The following OPHN1 variants were observed in gnomAD, a reference collection of about 807,000 sequenced individuals.
OPHN1 encodes oligophrenin 1, also known as oligophrenin-1.
Under a neutral mutation model 60.7 loss-of-function variants are expected in OPHN1, and 11 were observed. The observed-to-expected ratio is 0.18, with a 90% confidence interval of 0.11 to 0.30. The LOEUF (loss-of-function observed/expected upper bound fraction) is 0.30, where lower values mean the gene tolerates loss of function less well. OPHN1 is among the 10% of genes least tolerant of loss of function. OPHN1 has a pLI of 1.00. For synonymous variants in OPHN1, 226 were observed against 222.6 expected (o/e 1.02, Z -0.14); for missense variants, 449 against 611.0 (o/e 0.73, Z 2.80).
At chrX:68,062,826 T>A in intron 21 of OPHN1, among the ~76,000 whole-genome samples, 1 of 112,153 alleles carries the variant, frequency 8.9e-6, no homozygotes, top group Non-Finnish European at 1.9e-5. Flanking sequence ...CATAGAATTG[T>A]GTCCCCTAAA....
intron 15 of OPHN1, among the ~76,000 whole-genome samples, chrX:68,159,964 A>T (rs1291935533): frequency 9.3e-6 from 1 of 107,818 alleles, no homozygotes; most frequent in African/African-American, 3.4e-5. Flanking sequence ...TATACAAATT[A>T]ATCAAAAGGC....
At chrX:68,290,415 A>G (rs1335766026) in intron 3 of OPHN1, among the ~76,000 whole-genome samples, 1 of 110,910 alleles carries the variant, frequency 9.0e-6, no homozygotes, top group Non-Finnish European at 1.9e-5. Context: ...CCTGGCCAAC[A>G]TGGTGAAACC....
intron 17 of OPHN1, among the ~76,000 whole-genome samples, chrX:68,112,815 T>C (rs749798711): frequency 7.0e-4 from 79 of 112,266 alleles, no homozygotes; most frequent in East Asian, 4.5e-3. Context: ...GGCAAAATGC[T>C]GAAGGAAGTT....
At chrX:68,200,346 T>G (rs1268220461) in intron 11 of OPHN1, among the ~76,000 whole-genome samples, 1 of 111,773 alleles carries the variant, frequency 8.9e-6, no homozygotes, top group Non-Finnish European at 1.9e-5. Context: ...AACATCAAAT[T>G]TAGTACTTAT....
At chrX:68,077,745 T>C (rs1569205150) in intron 19 of OPHN1, among the ~76,000 whole-genome samples, 2 of 112,487 alleles carry the variant, frequency 1.8e-5, no homozygotes, top group Non-Finnish European at 3.8e-5. Context: ...GATACATTCC[T>C]GTTTTAGTCT....
chrX:68,092,095 A>G (rs923730497), intron 19 of OPHN1, among the ~76,000 whole-genome samples: 3 of 95,560 alleles, frequency 3.1e-5, no homozygotes, highest in Non-Finnish European at 6.5e-5. Context: ...CTCTTAAAAG[A>G]GAGACTGAAA....
intron 2 of OPHN1, among the ~76,000 whole-genome samples, chrX:68,390,963 G>A (rs906766200): frequency 1.8e-5 from 2 of 111,697 alleles, no homozygotes; most frequent in Admixed American, 1.9e-4. Context: ...GAAAGCTCTA[G>A]GGGAGAATTC....
At chrX:68,157,332 T>A (rs2077313743) in intron 15 of OPHN1, among the ~76,000 whole-genome samples, 1 of 111,741 alleles carries the variant, frequency 8.9e-6, no homozygotes, top group African/African-American at 3.3e-5. Context: ...ATTAAAAGTA[T>A]ACCATCCAAT....
intron 2 of OPHN1, among the ~76,000 whole-genome samples, chrX:68,380,393 T>C (rs1447353892): frequency 9.0e-6 from 1 of 111,666 alleles, no homozygotes; most frequent in Admixed American, 9.6e-5. Flanking sequence ...CCTGTATTCA[T>C]TGATTTTTTG....
At chrX:68,058,956 C>T (rs149784275) in intron 21 of OPHN1, among the ~76,000 whole-genome samples, 5 of 111,566 alleles carry the variant, frequency 4.5e-5, no homozygotes, top group African/African-American at 9.8e-5. Context: ...ATCCTATGGG[C>T]GCAAATACTA....
intron 2 of OPHN1, among the ~76,000 whole-genome samples, chrX:68,362,339 A>C (rs991710995): frequency 9.0e-6 from 1 of 111,661 alleles, no homozygotes; most frequent in Non-Finnish European, 1.9e-5. Context: ...AAAAGTAGAG[A>C]GTAGAATGAT....
chrX:68,096,369 TG>T (rs2077038310), intron 19 of OPHN1, among the ~76,000 whole-genome samples: 1 of 112,148 alleles, frequency 8.9e-6, no homozygotes, highest in African/African-American at 3.2e-5. Context: ...AGAGTTTACC[TG>T]CTTCTTTGGG....
At position 68,156,572 on chromosome X, in the gene OPHN1, A is replaced by C. The variant is rs151057948; in HGVS notation, c.1276+36347T>G. ...CTATTCCCCACCAGCCTGGGCAACCACTAATCGACTTTCTTTCTCTGTAGA... is the reference window on the plus strand; with the variant it reads ...CTATTCCCCACCAGCCTGGGCAACCCCTAATCGACTTTCTTTCTCTGTAGA... On this transcript the variant is annotated intron_variant, in intron 15 of 24. Transcript: ENST00000355520. Among the ~76,000 whole-genome samples, 33 of 110,666 alleles carry C rather than the reference A, an allele frequency of 3.0e-4. No homozygotes were observed. The East Asian group carries it at 9.4e-3, about 32-fold the overall frequency.
At chrX:68,128,233 T>C (rs1464814335) in intron 15 of OPHN1, among the ~76,000 whole-genome samples, 1 of 109,924 alleles carries the variant, frequency 9.1e-6, no homozygotes, top group Non-Finnish European at 1.9e-5. Flanking sequence ...ATTTTTAATT[T>C]TTGTAGAGAT....
intron 2 of OPHN1, among the ~76,000 whole-genome samples, chrX:68,383,610 A>C (rs1417210596): frequency 1.9e-5 from 2 of 105,459 alleles, no homozygotes; most frequent in South Asian, 4.4e-4. Context: ...AAAAAAAAAA[A>C]AAAAAAAAAA....
At chrX:68,227,246 G>T (rs2077699604) in intron 6 of OPHN1, among the ~76,000 whole-genome samples, 1 of 111,483 alleles carries the variant, frequency 9.0e-6, no homozygotes, top group African/African-American at 3.3e-5. Context: ...GGAGCACACA[G>T]ATTCATAAAG....
chrX:68,219,636 C>T (rs2077640806), intron 6 of OPHN1, among the ~76,000 whole-genome samples: 1 of 111,599 alleles, frequency 9.0e-6, no homozygotes, highest in Admixed American at 9.6e-5. Flanking sequence ...TCACTCAAAA[C>T]CACTCAACTA....
chrX:68,241,094 G>A (rs1257521343), intron 5 of OPHN1, among the ~76,000 whole-genome samples: 2 of 111,371 alleles, frequency 1.8e-5, no homozygotes, highest in Non-Finnish European at 3.8e-5. Flanking sequence ...GAATTTTTGA[G>A]GCTTCCTTTA....
intron 2 of OPHN1, among the ~76,000 whole-genome samples, chrX:68,366,617 G>C (rs1602358403): frequency 9.0e-6 from 1 of 111,412 alleles, no homozygotes; most frequent in African/African-American, 3.3e-5. Context: ...GCCTCTCAAA[G>C]TGCTGGGATT....
Sources: allele counts gnomAD v4.1 joint callset (sites outside exome capture counted in the v4.1 genomes callset), GRCh38; gene constraint gnomAD v4.1.1; transcripts MANE v1.5; gene names NCBI Gene and HGNC (gene_info 2026-07-23, HGNC 2026-07-21).